SUCLG1: variants seen among roughly 807,000 people sequenced by gnomAD.
SUCLG1 encodes succinate--CoA ligase [ADP/GDP-forming] subunit alpha, mitochondrial.
Under a neutral mutation model 37.3 loss-of-function variants are expected in SUCLG1, and 26 were observed. The observed-to-expected ratio is 0.70, with a 90% CI of 0.51 to 0.97. SUCLG1 has a LOEUF of 0.97. SUCLG1 is among the 50% of genes least tolerant of loss of function. The pLI is 0.00. For synonymous variants in SUCLG1, 163 were observed against 155.6 expected, an observed-to-expected ratio of 1.05 and a Z score of -0.36; for missense variants, 433 against 432.9, an observed-to-expected ratio of 1.00 and a Z score of 0.00.
chr2:84,454,358 T>C (rs565718365), intron 1 of SUCLG1, among the ~76,000 whole-genome samples: 3 of 152,258 alleles, frequency 2.0e-5, no homozygotes, highest in Admixed American at 2.0e-4. Flanking sequence ...CGGACAATAA[T>C]AGTATCTCCT....
In SUCLG1 at chr2:84,423,553, G is replaced by A; in HGVS notation, c.*193C>T. 3 of 633,262 alleles carry A rather than the reference G, an allele frequency of 4.7e-6. No individual in the cohort carries two copies. The highest frequency in any genetic ancestry group is 8.6e-6 in the Non-Finnish European group (3 of 349,586). 39.2% of individuals were successfully genotyped at this position (633,262 alleles called of 1,614,324 possible). A position where few individuals can be genotyped will look rare whatever the true frequency, so the allele number is the denominator to read the frequency against. On this transcript the variant is annotated 3_prime_UTR_variant, in exon 9 of 9. Transcript: ENST00000393868. ...TTGAAATCAAATAGTAGATTTATTG[G>A]CTGTCTCTGTAATACAATGTGGTGA...
At chr2:84,428,674 T>A (rs891043464) in intron 7 of SUCLG1, among the ~76,000 whole-genome samples, 3 of 152,226 alleles carry the variant, frequency 2.0e-5, no homozygotes, top group African/African-American at 7.2e-5. Flanking sequence ...TTGTTTTTGT[T>A]TTTTAAGTGG....
intron 1 of SUCLG1, among the ~76,000 whole-genome samples, chr2:84,454,022 C>A (rs978340182): frequency 6.6e-6 from 1 of 152,152 alleles, no homozygotes; most frequent in Non-Finnish European, 1.5e-5. Context: ...AACAGCTGCC[C>A]CTGGGAGGCT....
chr2:84,425,076 C>T (rs989775267), intron 8 of SUCLG1, among the ~76,000 whole-genome samples: 9 of 152,160 alleles, frequency 5.9e-5, no homozygotes, highest in Non-Finnish European at 1.2e-4. Flanking sequence ...AGTAACAAAA[C>T]ATAAAGCAGT....
chr2:84,424,478 G>GGCA (rs1341067037), intron 8 of SUCLG1, among the ~76,000 whole-genome samples: 1 of 151,998 alleles, frequency 6.6e-6, no homozygotes, highest in Non-Finnish European at 1.5e-5. Context: ...CAAACACTTT[G>GGCA]GCACATAGTG....
intron 7 of SUCLG1, among the ~76,000 whole-genome samples, chr2:84,430,135 G>A (rs894354505): frequency 2.0e-5 from 3 of 152,322 alleles, no homozygotes; most frequent in African/African-American, 4.8e-5. Context: ...AGAGGATGAC[G>A]AATGAATCAA....
chr2:84,440,686 A>C (rs945151738), intron 5 of SUCLG1, among the ~76,000 whole-genome samples: 11 of 152,250 alleles, frequency 7.2e-5, no homozygotes, highest in African/African-American at 1.9e-4. Flanking sequence ...ATGAATAAAC[A>C]AACTGTGGTA....
intron 5 of SUCLG1, among the ~76,000 whole-genome samples, chr2:84,434,938 CTT>C (rs763793420): frequency 1.2e-4 from 18 of 152,198 alleles, no homozygotes; most frequent in Non-Finnish European, 2.4e-4. Context: ...GTGTACGTAA[CTT>C]AGTCATTGCT....
At position 84,425,435 on chromosome 2, in the gene SUCLG1, G is replaced by T; in HGVS notation, c.994C>A (p.Leu332Met). Reference protein sequence around the residue: ...GVVVSMSPAQLGTTIYKEFEK... With the variant: ...GVVVSMSPAQMGTTIYKEFEK... ...CTCACCTTGTAGATCGTGGTTCCCA[G>T]CTGTGCAGGAGACATACTGACCACA... is the stretch of plus-strand genomic sequence containing the variant. Residue 332 changes from leucine to methionine, a missense_variant, in exon 8 of 9, where the codon CTG becomes ATG. Transcript: ENST00000393868. 1 of 1,614,142 alleles carries T rather than the reference G, an allele frequency of 6.2e-7. No homozygotes were observed. Among genetic ancestry groups the T allele is most frequent in the Non-Finnish European group, 8.5e-7 (1 of 1,180,030 alleles).
chr2:84,442,656 T>C (rs1672793068), intron 3 of SUCLG1, among the ~76,000 whole-genome samples: 1 of 152,194 alleles, frequency 6.6e-6, no homozygotes, highest in Non-Finnish European at 1.5e-5. Context: ...TTGTAACAAA[T>C]AATAAAATTT....
At chr2:84,429,584 C>T (rs1300621399) in intron 7 of SUCLG1, among the ~76,000 whole-genome samples, 2 of 152,064 alleles carry the variant, frequency 1.3e-5, no homozygotes, top group Non-Finnish European at 2.9e-5. Flanking sequence ...CTAAGCATTC[C>T]TTGCAGAAGG....
chr2:84,431,044 G>A (rs1672605678), intron 7 of SUCLG1, among the ~76,000 whole-genome samples: 1 of 152,130 alleles, frequency 6.6e-6, no homozygotes, highest in Admixed American at 6.5e-5. Context: ...TCTCTGAAGG[G>A]AAGTGCCATT....
intron 5 of SUCLG1, 36 bp from the exon 6 acceptor site, chr2:84,433,471 T>C (rs1441673807): frequency 1.3e-6 from 2 of 1,578,574 alleles, no homozygotes; most frequent in Non-Finnish European, 1.7e-6. Context: ...TTAGATTGTG[T>C]TTCTATGTTA....
intron 7 of SUCLG1, among the ~76,000 whole-genome samples, chr2:84,431,249 T>C (rs1672609696): frequency 6.6e-6 from 1 of 152,162 alleles, no homozygotes; most frequent in African/African-American, 2.4e-5. Flanking sequence ...CCTGAATGTA[T>C]CTGTTCAGCA....
Position 84,441,109 on chromosome 2 carries a change from A to T in SUCLG1, c.532-5T>A, listed in dbSNP as rs1672764926. 2 of 1,613,980 alleles carry T rather than the reference A, an allele frequency of 1.2e-6. No individual in the cohort carries two copies. Among genetic ancestry groups the T allele is most frequent in the Non-Finnish European group, 1.7e-6 (2 of 1,180,030 alleles). On this transcript the variant is annotated splice_polypyrimidine_tract_variant and splice_region_variant and intron_variant, in intron 4 of 8. Transcript: ENST00000393868. Reference sequence around the variant, plus strand: ...GCCAATTTTACATTCTCCAGGCTGAAAGTAATCATAGTTTTCAGAAATGTT... The same window carrying T: ...GCCAATTTTACATTCTCCAGGCTGATAGTAATCATAGTTTTCAGAAATGTT...
chr2:84,448,177 A>AAAAAAC (rs1553394210), intron 2 of SUCLG1, among the ~76,000 whole-genome samples: 1 of 150,334 alleles, frequency 6.7e-6, no homozygotes, highest in African/African-American at 2.5e-5. Context: ...TCAGAAAAAA[A>AAAAAAC]AAAAAACAAA....
In SUCLG1 at chr2:84,425,624, T is replaced by C. The variant is rs768723745; in HGVS notation, c.826-21A>G. On this transcript the variant is annotated intron_variant, in intron 7 of 8. Transcript: ENST00000393868. ...GGACCCTAGAAAGAAAGTAATATTT[T>C]AAATGCTCTAATGAAGAAGTCAATC... is the stretch of plus-strand genomic sequence containing the variant. 3 of 1,613,530 alleles carry C rather than the reference T, an allele frequency of 1.9e-6. No individual in the cohort carries two copies. In the East Asian group the frequency reaches 6.7e-5, roughly 36 times the overall value.
intron 1 of SUCLG1, among the ~76,000 whole-genome samples, chr2:84,458,170 AT>A (rs998053961): frequency 1.3e-5 from 2 of 151,438 alleles, no homozygotes; most frequent in African/African-American, 4.9e-5. Flanking sequence ...TAAAATGCAC[AT>A]TTTTTTTCAC....
At chr2:84,426,234 A>G (rs534858440) in intron 7 of SUCLG1, 1 of 154,608 alleles carries the variant, frequency 6.5e-6, no homozygotes, top group South Asian at 2.0e-4. Flanking sequence ...TTCAGCAAAA[A>G]TCCATTCTAA....
Sources: gnomAD v4.1 joint callset for allele counts (sites outside exome capture counted in the v4.1 genomes callset) on GRCh38, gnomAD v4.1.1 for gene constraint, MANE v1.5 for transcripts, NCBI Gene and HGNC (gene_info 2026-07-23, HGNC 2026-07-21) for gene names.